The following GMPR variants were observed in gnomAD, a reference collection of about 807,000 sequenced individuals.
The protein encoded by GMPR is guanosine monophosphate reductase, also known as GMP reductase 1.
A neutral mutation model predicts 38.4 loss-of-function variants in GMPR; 31 were observed. That is an observed-to-expected ratio of 0.81 (90% CI 0.61 to 1.09). The LOEUF is 1.09. GMPR is among the 50% of genes least tolerant of loss of function. The probability of loss-of-function intolerance (pLI) is 0.00; values close to 1 mark genes in which losing one functional copy is unlikely to be tolerated. For missense variants in GMPR, 468 were observed against 453.7 expected (o/e 1.03, Z -0.29); for synonymous variants, 162 against 173.3 (o/e 0.93, Z 0.51).
chr6:16,286,384 A>G (rs1759679083), intron 7 of GMPR, among the ~76,000 whole-genome samples: 1 of 151,876 alleles, frequency 6.6e-6, no homozygotes, highest in African/African-American at 2.4e-5. Flanking sequence ...CACAAGCAGT[A>G]AAGTACGGCT....
At chr6:16,260,249 G>A (rs966323826) in intron 4 of GMPR, among the ~76,000 whole-genome samples, 2 of 152,016 alleles carry the variant, frequency 1.3e-5, no homozygotes, top group Non-Finnish European at 2.9e-5. Context: ...GACCGTAAGG[G>A]ATATAAAGGT....
chr6:16,250,491 T>G, intron 3 of GMPR, 124 bp downstream of exon 3: 2 of 683,346 alleles, frequency 2.9e-6, no homozygotes, highest in Non-Finnish European at 5.4e-6. Flanking sequence ...TCTAGCCCTG[T>G]GCCATTGCCA....
intron 5 of GMPR, among the ~76,000 whole-genome samples, chr6:16,275,100 C>T (rs1759450510): frequency 1.3e-5 from 2 of 152,136 alleles, no homozygotes; most frequent in Admixed American, 6.6e-5. Context: ...TCATGGGTGG[C>T]GCCATTTTCT....
chr6:16,241,381 T>C (rs1388166425), intron 1 of GMPR, among the ~76,000 whole-genome samples: 1 of 152,184 alleles, frequency 6.6e-6, no homozygotes, highest in African/African-American at 2.4e-5. Context: ...TCAGGACTCC[T>C]GCAAGGACAT....
intron 8 of GMPR, among the ~76,000 whole-genome samples, chr6:16,293,595 C>G (rs1398880898): frequency 1.3e-5 from 2 of 152,182 alleles, no homozygotes; most frequent in East Asian, 3.8e-4. Context: ...GCCAGGAGTT[C>G]GAGACCAGCC....
chr6:16,268,312 C>G (rs777687084), intron 4 of GMPR, among the ~76,000 whole-genome samples: 3 of 152,124 alleles, frequency 2.0e-5, no homozygotes, highest in Non-Finnish European at 4.4e-5. Flanking sequence ...GGGGTTGATA[C>G]TCCTCTTTTT....
chr6:16,285,805 A>G lies in GMPR; in HGVS notation c.667A>G (p.Thr223Ala). ...KGHIISDGGC[T>A]CPGDVAKAFG... ...TTCCTCTGTGAAGGATGGAGGCTGT[A>G]CGTGTCCAGGGGATGTCGCCAAAGC... Residue 223 changes from threonine to alanine, a missense_variant, in exon 7 of 9, where the codon ACG (threonine) becomes GCG (alanine). Transcript: ENST00000259727. The G allele has an allele frequency of 1.2e-6, 2 of 1,613,300 alleles. No homozygotes were observed. The highest frequency in any genetic ancestry group is 8.5e-7 in the Non-Finnish European group (1 of 1,179,620).
chr6:16,253,363 A>G (rs1177478370), intron 3 of GMPR, among the ~76,000 whole-genome samples: 1 of 152,212 alleles, frequency 6.6e-6, no homozygotes, highest in African/African-American at 2.4e-5. Context: ...AAAGAGATCT[A>G]ATTGGCTAAT....
In GMPR at chr6:16,250,045, GC is replaced by G. The variant is rs530221229; in HGVS notation, c.208-237del. Among the ~76,000 whole-genome samples the G allele has an allele frequency of 1.9e-4, 29 of 152,380 alleles. No homozygotes were observed. The South Asian group carries it at 5.8e-3, about 30-fold the overall frequency. ...TATCCCTCTCCTGCCTCCTGGCAGA[GC>G]CTCCCTAGTCCTGAATGCGGTATTG... On this transcript the variant is annotated intron_variant, in intron 2 of 8. Coordinates refer to ENST00000259727, the MANE Select transcript of GMPR (RefSeq NM_006877.4).
At chr6:16,284,741 T>C (rs1351401890) in intron 6 of GMPR, among the ~76,000 whole-genome samples, 1 of 152,092 alleles carries the variant, frequency 6.6e-6, no homozygotes, top group Admixed American at 6.6e-5. Context: ...AGCTAGTGGC[T>C]GGGCGCGGTG....
chr6:16,275,371 C>T (rs1490460562), intron 5 of GMPR, among the ~76,000 whole-genome samples: 3 of 152,100 alleles, frequency 2.0e-5, no homozygotes, highest in African/African-American at 4.8e-5. Flanking sequence ...AGCTGGGAGG[C>T]GCAGGAGACG....
intron 4 of GMPR, chr6:16,263,457 G>A (rs1445009112): frequency 6.6e-6 from 1 of 151,848 alleles, no homozygotes; most frequent in Non-Finnish European, 1.5e-5. Context: ...GAGGAATGGA[G>A]GGTGGAAGGT....
In GMPR at chr6:16,261,688, G is replaced by A. The variant is rs550821371; in HGVS notation, c.465+6953G>A. Among the ~76,000 whole-genome samples, 183 of 152,084 alleles carry A rather than the reference G, an allele frequency of 1.2e-3. 3 individuals carry two copies. Among genetic ancestry groups the A allele is most frequent in the Admixed American group, 2.2e-3 (33 of 15,126 alleles). On this transcript the variant is annotated intron_variant, in intron 4 of 8. Transcript: ENST00000259727. The stretch of plus-strand genomic sequence containing the variant: ...TTTAAAAGGCCATGCTGTAGCAGGC[G>A]AGTGATAACAGGCTTTAATCCTTTC...
intron 4 of GMPR, among the ~76,000 whole-genome samples, chr6:16,271,729 A>G (rs1027717727): frequency 2.0e-5 from 3 of 152,224 alleles, no homozygotes; most frequent in African/African-American, 4.8e-5. Flanking sequence ...ACTTTCTAGT[A>G]TAAAATCTAG....
chr6:16,238,868 T>C (rs1352232033), intron 1 of GMPR, 88 bp downstream of exon 1: 3 of 559,358 alleles, frequency 5.4e-6, no homozygotes, highest in African/African-American at 2.0e-5. Context: ...GGCACCGGGT[T>C]ACCCTGCCTG....
intron 5 of GMPR, among the ~76,000 whole-genome samples, chr6:16,276,746 A>G (rs925165913): frequency 3.9e-5 from 6 of 152,182 alleles, no homozygotes; most frequent in East Asian, 1.9e-4. Flanking sequence ...TGCATATTAC[A>G]TATCTAAATG....
At position 16,238,746 on chromosome 6, in the gene GMPR, GA is replaced by G; in HGVS notation, c.54del (p.Pro19LeufsTer48). 1 of 1,473,070 alleles carries G rather than the reference GA, an allele frequency of 6.8e-7. No individual in the cohort carries two copies. The highest frequency in any genetic ancestry group is 9.1e-7 in the Non-Finnish European group (1 of 1,100,180). The allele number at this position is 1,473,070 out of a possible 1,614,324, so 91.2% of individuals were successfully genotyped here. ...LKLDFKDVLL[R>X]PKRSSLKSRA... ...CTCGACTTCAAGGATGTCCTGCTCC[GA>G]CCTAAGCGGAGCAGCCTCAAGAGCC... is the stretch of plus-strand genomic sequence containing the variant. On this transcript the variant is annotated frameshift_variant, in exon 1 of 9. Transcript: ENST00000259727. LOFTEE classifies it high-confidence loss of function.
intron 1 of GMPR, among the ~76,000 whole-genome samples, chr6:16,240,303 G>A (rs144760896): frequency 2.8e-4 from 42 of 152,276 alleles, no homozygotes; most frequent in Non-Finnish European, 4.7e-4. Flanking sequence ...AGGAACCTGA[G>A]GTGGAAGGAT....
chr6:16,263,954 C>A (rs1446211300), intron 4 of GMPR, among the ~76,000 whole-genome samples: 3 of 151,396 alleles, frequency 2.0e-5, no homozygotes, highest in Non-Finnish European at 4.4e-5. Context: ...GGGTTTCTTG[C>A]CCCCCAGAAA....
Sources: gnomAD v4.1 joint callset for allele counts (sites outside exome capture counted in the v4.1 genomes callset) on GRCh38, gnomAD v4.1.1 for gene constraint, MANE v1.5 for transcripts, NCBI Gene and HGNC (gene_info 2026-07-23, HGNC 2026-07-21) for gene names.